Variants in CFAP54 observed in about 807,000 individuals in gnomAD.
The protein encoded by CFAP54 is cilia- and flagella-associated protein 54.
Under a neutral mutation model 370.4 loss-of-function variants are expected in CFAP54, and 290 were observed. That is an observed-to-expected ratio of 0.78 (90% CI 0.71 to 0.86). The LOEUF is 0.86. CFAP54 is among the 40% of genes least tolerant of loss of function. The pLI, the probability that CFAP54 is intolerant of heterozygous loss-of-function variation, is 0.00. For missense variants in CFAP54, 3,399 were observed against 3,528.7 expected (o/e 0.96, Z 0.93); for synonymous variants, 1,206 against 1,236.5 (o/e 0.98, Z 0.52).
intron 36 of CFAP54, among the ~76,000 whole-genome samples, chr12:96,653,093 G>T (rs1413312679): frequency 1.3e-5 from 2 of 152,224 alleles, no homozygotes; most frequent in Non-Finnish European, 2.9e-5. Context: ...GCAGCTCTGT[G>T]CCAGGGACCC....
intron 67 of CFAP54, among the ~76,000 whole-genome samples, chr12:96,865,933 G>A (rs969246337): frequency 6.6e-6 from 1 of 152,032 alleles, no homozygotes; most frequent in Non-Finnish European, 1.5e-5. Flanking sequence ...TTCAATATAA[G>A]ATAGTAGAGC....
In CFAP54 at chr12:96,784,731, C is replaced by A; in HGVS notation, c.8296C>A (p.Leu2766Ile). The A allele has an allele frequency of 6.6e-7, 1 of 1,520,324 alleles. No homozygotes were observed. Among genetic ancestry groups the A allele is most frequent in the Non-Finnish European group, 8.8e-7 (1 of 1,140,300 alleles). 94.2% of individuals were successfully genotyped at this position (1,520,324 alleles called of 1,614,324 possible). ...TTCACTTTCAGACAACTACCAAGTC[C>A]TCTTCCAGACTTCCTGTACATTTTT... ...TDYLLDNYQV[L>I]FQTSCTFLYQ... Residue 2766 changes from leucine to isoleucine, a missense_variant, in exon 61 of 68, where the codon CTC becomes ATC. Around this residue, in one of 3 missense-constraint regions of CFAP54, gnomAD observed 2,796 missense variants for 2,869.7 expected, o/e 0.97. Transcript: ENST00000524981.
At chr12:96,589,069 T>A in intron 22 of CFAP54, among the ~76,000 whole-genome samples, 1 of 152,222 alleles carries the variant, frequency 6.6e-6, no homozygotes, top group African/African-American at 2.4e-5. Context: ...TTGTTCATTA[T>A]AACAGTATCT....
intron 38 of CFAP54, among the ~76,000 whole-genome samples, chr12:96,661,591 G>A (rs1396897986): frequency 6.6e-6 from 1 of 152,194 alleles, no homozygotes; most frequent in Non-Finnish European, 1.5e-5. Context: ...AGCAGCTGCT[G>A]CTGGTGTTTG....
At chr12:96,663,051 T>G (rs888895002) in intron 38 of CFAP54, among the ~76,000 whole-genome samples, 3 of 152,214 alleles carry the variant, frequency 2.0e-5, no homozygotes, top group Non-Finnish European at 4.4e-5. Context: ...CTTGTAACAG[T>G]GTTTGGCACG....
intron 66 of CFAP54, among the ~76,000 whole-genome samples, chr12:96,847,297 G>T (rs1959387237): frequency 6.6e-6 from 1 of 151,342 alleles, no homozygotes; most frequent in Non-Finnish European, 1.5e-5. Flanking sequence ...GCACTCTCCT[G>T]GTGAGCTGCC....
chr12:96,680,214 C>A (rs1957255195), intron 40 of CFAP54, among the ~76,000 whole-genome samples: 1 of 152,122 alleles, frequency 6.6e-6, no homozygotes, highest in Admixed American at 6.6e-5. Context: ...ATAGATTTTG[C>A]TCTTAGGGCT....
At chr12:96,857,679 T>A (rs1298917636) in intron 66 of CFAP54, among the ~76,000 whole-genome samples, 1 of 152,162 alleles carries the variant, frequency 6.6e-6, no homozygotes, top group Non-Finnish European at 1.5e-5. Context: ...GTTTCCCCCA[T>A]GCTGTTCTTG....
intron 66 of CFAP54, among the ~76,000 whole-genome samples, chr12:96,859,053 C>A (rs749734844): frequency 2.0e-5 from 3 of 152,138 alleles, no homozygotes; most frequent in Non-Finnish European, 4.4e-5. Context: ...GGTACAAAAA[C>A]AGGCACATAG....
intron 60 of CFAP54, among the ~76,000 whole-genome samples, chr12:96,775,249 G>A (rs571368837): frequency 3.3e-5 from 5 of 152,192 alleles, no homozygotes; most frequent in South Asian, 2.1e-4. Flanking sequence ...CCAACATGGC[G>A]AAACCCCGTT....
chr12:96,644,762 C>T (rs1216893878), intron 33 of CFAP54, among the ~76,000 whole-genome samples: 1 of 152,114 alleles, frequency 6.6e-6, no homozygotes, highest in African/African-American at 2.4e-5. Flanking sequence ...GACTCATTAT[C>T]ATGAGAACAG....
intron 66 of CFAP54, among the ~76,000 whole-genome samples, chr12:96,853,857 A>T (rs1240888713): frequency 6.6e-6 from 1 of 151,932 alleles, no homozygotes; most frequent in Non-Finnish European, 1.5e-5. Flanking sequence ...TAAACTAAGC[A>T]ATTAATCTTC....
Position 96,708,735 on chromosome 12 carries a change from G to A in CFAP54, c.6656G>A (p.Cys2219Tyr), listed in dbSNP as rs376021800. 1 of 1,611,916 alleles carries A rather than the reference G, an allele frequency of 6.2e-7. No homozygotes were observed. Among genetic ancestry groups the A allele is most frequent in the African/African-American group, 1.3e-5 (1 of 74,842 alleles). ...CTAAGTGTGGCTGCGACAATAAATT[G>A]TGTCCCAGAAAATAAATTTAAGACA... ...FFLSVAATIN[C>Y]VPENKFKTVI... The change falls in exon 48 of 68, where the codon TGT (cysteine) becomes TAT (tyrosine). Residue 2219 changes from cysteine to tyrosine, a missense_variant. Physicochemically the swap from Cys to Tyr is radical, Grantham distance 194. Around this residue, in one of 3 missense-constraint regions of CFAP54, gnomAD observed 2,796 missense variants for 2,869.7 expected, o/e 0.97. Coordinates refer to ENST00000524981, the MANE Select transcript of CFAP54 (RefSeq NM_001306084.2).
Position 96,837,119 on chromosome 12 carries a change from C to T in CFAP54, c.9171+8031C>T, listed in dbSNP as rs77390079. The stretch of plus-strand genomic sequence containing the variant: ...TTACAGGTATGAGCCACTGTGCCAG[C>T]CCAAAAGTATAATTTTTGATATGTT... On this transcript the variant is annotated intron_variant, in intron 66 of 67. Transcript: ENST00000524981. 6.5e-3 allele frequency among the ~76,000 whole-genome samples: 987 copies of T among 152,206 alleles called. 12 individuals are homozygous for T. Among genetic ancestry groups the T allele is most frequent in the African/African-American group, 0.022 (930 of 41,498 alleles).
intron 42 of CFAP54, among the ~76,000 whole-genome samples, chr12:96,688,043 A>C (rs1197358303): frequency 6.6e-6 from 1 of 151,504 alleles, no homozygotes; most frequent in African/African-American, 2.4e-5. Flanking sequence ...CGCCCTGTAA[A>C]ATACCACACT....
At chr12:96,764,010 T>G in intron 58 of CFAP54, 141 bp from the exon 59 acceptor site, 2 of 528,530 alleles carry the variant, frequency 3.8e-6, no homozygotes, top group Non-Finnish European at 6.6e-6. Context: ...CTTTCCTCAA[T>G]GTATTTCGAA....
At chr12:96,644,494 C>A in intron 33 of CFAP54, 86 bp downstream of exon 33, 1 of 955,196 alleles carries the variant, frequency 1.0e-6, no homozygotes, top group East Asian at 2.6e-5. Context: ...ATGGTGCTAA[C>A]AACTTAAGGA....
At chr12:96,806,213 T>A (rs11611082) in intron 63 of CFAP54, among the ~76,000 whole-genome samples, 4,238 of 49,034 alleles carry the variant, frequency 0.086, 243 homozygotes, top group East Asian at 0.11. Context: ...TATATATATA[T>A]AATAACAACA....
intron 19 of CFAP54, chr12:96,572,944 T>G (rs563319956): frequency 1.0e-6 from 1 of 985,414 alleles, no homozygotes; most frequent in South Asian, 4.7e-5. Context: ...AAGAATTAAG[T>G]CAGAAGGTGC....
Sources: gnomAD v4.1 joint callset for allele counts (sites outside exome capture counted in the v4.1 genomes callset) on GRCh38, gnomAD v4.1.1 for gene constraint, gnomAD v4.1.1 regional missense constraint, MANE v1.5 for transcripts, NCBI Gene and HGNC (gene_info 2026-07-23, HGNC 2026-07-21) for gene names.